The following FBXL13 variants were observed in gnomAD, a reference collection of about 807,000 sequenced individuals.
FBXL13 encodes the protein F-box and leucine rich repeat protein 13.
FBXL13 carries 67 observed loss-of-function variants against 83.6 expected under a neutral mutation model. The observed-to-expected ratio is 0.80, with a 90% CI of 0.66 to 0.98. FBXL13 has a LOEUF of 0.98. Among genes scored for constraint, FBXL13 ranks in the 50% least tolerant of loss-of-function variants. FBXL13 has a pLI of 0.00. For synonymous variants in FBXL13, 272 were observed against 299.5 expected (o/e 0.91, Z 0.95); for missense variants, 822 against 866.5 (o/e 0.95, Z 0.64).
In FBXL13 at chr7:102,925,603, G is replaced by A. The variant is rs116521045; in HGVS notation, c.878+671C>T. Among the ~76,000 whole-genome samples, 247 of 152,114 alleles carry A rather than the reference G, an allele frequency of 1.6e-3. 2 individuals are homozygous for A. The highest frequency in any genetic ancestry group is 5.5e-3 in the African/African-American group (230 of 41,524). Reference sequence around the variant, plus strand: ...GCCAGAGCATGGGAACAGGGATCTGGGACAAAAGTGCTCAAAGTTGGTAAT... The same window carrying A: ...GCCAGAGCATGGGAACAGGGATCTGAGACAAAAGTGCTCAAAGTTGGTAAT... On this transcript the variant is annotated intron_variant, in intron 10 of 19. Coordinates refer to ENST00000313221, the Ensembl canonical transcript of FBXL13.
chr7:102,865,450 A>G (rs1268464353), intron 16 of FBXL13, among the ~76,000 whole-genome samples: 1 of 151,346 alleles, frequency 6.6e-6, no homozygotes, highest in Non-Finnish European at 1.5e-5. Flanking sequence ...TCCCTTTTCT[A>G]CTCTAGTTAG....
exon 20 of FBXL13, chr7:102,813,291 G>A (rs1797560011): frequency 6.6e-7 from 1 of 1,524,092 alleles, no homozygotes; most frequent in African/African-American, 1.4e-5. Flanking sequence ...AACAAATGGA[G>A]AAAACTTGCC....
chr7:103,016,283 A>G (rs975701452), intron 6 of FBXL13, among the ~76,000 whole-genome samples: 3 of 147,922 alleles, frequency 2.0e-5, no homozygotes, highest in Non-Finnish European at 4.5e-5. Context: ...TATGGTAACC[A>G]AAACAACATG....
At chr7:103,061,183 T>G (rs1039933247) in intron 1 of FBXL13, among the ~76,000 whole-genome samples, 4 of 151,940 alleles carry the variant, frequency 2.6e-5, no homozygotes, top group East Asian at 1.9e-4. Flanking sequence ...GGGTTTTTTT[T>G]TTTTGTTTTT....
intron 8 of FBXL13, chr7:102,944,495 T>C (rs1269154188): frequency 1.2e-6 from 2 of 1,613,898 alleles, no homozygotes; most frequent in East Asian, 2.2e-5. Flanking sequence ...AAAGACAAGT[T>C]ACCAGCATAT....
chr7:103,011,445 G>C (rs1400183353), intron 6 of FBXL13, among the ~76,000 whole-genome samples: 2 of 151,786 alleles, frequency 1.3e-5, no homozygotes, highest in African/African-American at 4.8e-5. Context: ...GACCAGCCTG[G>C]CCAACATGGT....
At chr7:102,986,326 C>T (rs959549689) in intron 6 of FBXL13, among the ~76,000 whole-genome samples, 6 of 152,076 alleles carry the variant, frequency 3.9e-5, no homozygotes, top group African/African-American at 7.2e-5. Flanking sequence ...GCTGAGACTT[C>T]GGGAAGGAAT....
intron 6 of FBXL13, chr7:102,976,174 A>T (rs779254260): frequency 1.3e-6 from 1 of 766,200 alleles, no homozygotes; most frequent in South Asian, 1.3e-5. Flanking sequence ...CTTGGAACAG[A>T]CACCCCAGCA....
At chr7:102,893,716 C>T (rs1484669904) in intron 11 of FBXL13, among the ~76,000 whole-genome samples, 6 of 141,652 alleles carry the variant, frequency 4.2e-5, no homozygotes, top group South Asian at 2.2e-4. Context: ...TGCAGTGAGC[C>T]GAGATCACAC....
chr7:102,929,617 T>C (rs925949728), intron 9 of FBXL13, among the ~76,000 whole-genome samples: 1 of 134,956 alleles, frequency 7.4e-6, no homozygotes, highest in Non-Finnish European at 1.5e-5. Context: ...TGAGCCACGA[T>C]GGCACCACTG....
intron 16 of FBXL13, among the ~76,000 whole-genome samples, chr7:102,863,854 C>T (rs984099074): frequency 1.1e-4 from 16 of 152,140 alleles, no homozygotes; most frequent in Admixed American, 2.6e-4. Flanking sequence ...ACCTGAGCAT[C>T]GTCTATGTCT....
chr7:102,829,721 T>C (rs1800323614), intron 18 of FBXL13, among the ~76,000 whole-genome samples: 1 of 152,082 alleles, frequency 6.6e-6, no homozygotes, highest in Non-Finnish European at 1.5e-5. Flanking sequence ...GGTGAGGTGG[T>C]TGCAAGGAAA....
chr7:103,043,929 T>G (rs1310807973), intron 2 of FBXL13, among the ~76,000 whole-genome samples: 1 of 152,212 alleles, frequency 6.6e-6, no homozygotes, highest in Non-Finnish European at 1.5e-5. Flanking sequence ...ATATGCACAT[T>G]GTAGGATACA....
In FBXL13 at chr7:102,813,465, A is replaced by G. The variant is rs76271897; in HGVS notation, c.2085T>C (p.Arg695=). Residue 695 remains arginine, a synonymous_variant, in exon 20 of 20, where the codon CGT becomes CGC. Coordinates refer to ENST00000313221, the Ensembl canonical transcript of FBXL13. ...TTCCTTCCCTATCATAGCCAAACCA[A>G]CGTGGAGGGTCATTAGTGTTGTATT... 1.5e-3 allele frequency: 2,354 copies of G among 1,614,206 alleles called. 1 individual carries two copies. Among genetic ancestry groups the G allele is most frequent in the Non-Finnish European group, 1.9e-3 (2,198 of 1,180,028 alleles).
Position 103,028,721 on chromosome 7 carries a change from AT to A in FBXL13, c.95del (p.Asn32MetfsTer10). Reference sequence around the variant, plus strand: ...TTTTTTCAGCCAGGACGACATTTTCATTTGTACGAGCTATGTCTCTCCAAGT... The same window carrying A: ...TTTTTTCAGCCAGGACGACATTTTCATTGTACGAGCTATGTCTCTCCAAGT... On this transcript the variant is annotated frameshift_variant, in exon 4 of 20. Coordinates refer to ENST00000313221, the Ensembl canonical transcript of FBXL13. LOFTEE classifies it high-confidence loss of function. The A allele has an allele frequency of 6.2e-7, 1 of 1,601,054 alleles. No homozygotes were observed. Among genetic ancestry groups the A allele is most frequent in the Non-Finnish European group, 8.5e-7 (1 of 1,174,180 alleles).
At chr7:102,947,391 TG>T (rs1822709987) in intron 8 of FBXL13, among the ~76,000 whole-genome samples, 1 of 152,230 alleles carries the variant, frequency 6.6e-6, no homozygotes, top group Non-Finnish European at 1.5e-5. Context: ...TCCCCAGGGA[TG>T]TATTTGGAAA....
intron 10 of FBXL13, among the ~76,000 whole-genome samples, chr7:102,922,980 C>T (rs1817380652): frequency 6.7e-6 from 1 of 150,066 alleles, no homozygotes; most frequent in Non-Finnish European, 1.5e-5. Context: ...TCCGTCTCAA[C>T]AAAAAAAAGA....
At chr7:102,820,475 G>A (rs1027880460) in intron 19 of FBXL13, among the ~76,000 whole-genome samples, 1 of 152,110 alleles carries the variant, frequency 6.6e-6, no homozygotes, top group Non-Finnish European at 1.5e-5. Context: ...TTTTTTGCAC[G>A]TATATTTTTT....
intron 1 of FBXL13, 99 bp from the exon 2 acceptor site, chr7:103,055,846 T>C: frequency 3.8e-6 from 2 of 523,688 alleles, no homozygotes; most frequent in South Asian, 3.5e-5. Flanking sequence ...TTGGGTTTTT[T>C]TGGTTTTTAA....
Sources: gnomAD v4.1 joint callset for allele counts (sites outside exome capture counted in the v4.1 genomes callset) on GRCh38, gnomAD v4.1.1 for gene constraint, MANE v1.5 for transcripts, NCBI Gene and HGNC (gene_info 2026-07-23, HGNC 2026-07-21) for gene names.